FUT8: variants seen among roughly 807,000 people sequenced by gnomAD.
The protein encoded by FUT8 is fucosyltransferase 8.
A neutral mutation model predicts 71.3 loss-of-function variants in FUT8; 29 were observed. The observed-to-expected ratio is 0.41, with a 90% CI of 0.30 to 0.55. The LOEUF (loss-of-function observed/expected upper bound fraction) is 0.55, where lower values mean the gene tolerates loss of function less well. FUT8 is among the 20% of genes least tolerant of loss of function. The pLI, the probability that FUT8 is intolerant of heterozygous loss-of-function variation, is 0.34. For missense variants in FUT8, 544 were observed against 702.1 expected (o/e 0.77, Z 2.55); for synonymous variants, 254 against 239.3 (o/e 1.06, Z -0.57).
intron 7 of FUT8, among the ~76,000 whole-genome samples, chr14:65,677,912 A>C (rs17102845): frequency 0.06 from 9,114 of 152,234 alleles, 320 homozygotes; most frequent in Admixed American, 0.11. Flanking sequence ...GCAATCAGAG[A>C]CTTCACTAGA....
intron 6 of FUT8, among the ~76,000 whole-genome samples, chr14:65,665,513 T>C (rs1009181583): frequency 6.6e-6 from 1 of 152,144 alleles, no homozygotes; most frequent in Non-Finnish European, 1.5e-5. Context: ...GTTCAGCCAT[T>C]GTAGAAAGCA....
intron 1 of FUT8, among the ~76,000 whole-genome samples, chr14:65,446,910 C>A (rs142439263): frequency 2.9e-4 from 44 of 152,082 alleles, no homozygotes; most frequent in African/African-American, 9.9e-4. Context: ...CTCAAGCAAT[C>A]CTCCAGCCTC....
chr14:65,541,078 A>G (rs1884653456), intron 2 of FUT8, among the ~76,000 whole-genome samples: 1 of 152,206 alleles, frequency 6.6e-6, no homozygotes, highest in Non-Finnish European at 1.5e-5. Context: ...CTGGTAAATC[A>G]TATTTTATTA....
intron 1 of FUT8, among the ~76,000 whole-genome samples, chr14:65,416,516 T>A (rs1020900153): frequency 6.6e-6 from 1 of 152,170 alleles, no homozygotes; most frequent in African/African-American, 2.4e-5. Flanking sequence ...AAAGGAGATA[T>A]CAACTTCTGG....
At chr14:65,501,350 A>G (rs898230738) in intron 2 of FUT8, among the ~76,000 whole-genome samples, 1 of 152,200 alleles carries the variant, frequency 6.6e-6, no homozygotes, top group Non-Finnish European at 1.5e-5. Flanking sequence ...GGAATTAGCC[A>G]CTATTCATAT....
the FUT8 span, among the ~76,000 whole-genome samples, chr14:65,391,162 A>G: frequency 9.2e-5 from 14 of 152,270 alleles, no homozygotes; most frequent in African/African-American, 3.1e-4. Flanking sequence ...TATTTAATTA[A>G]TCTTTATAAT....
intron 3 of FUT8, among the ~76,000 whole-genome samples, chr14:65,592,579 T>A (rs952055651): frequency 6.6e-6 from 1 of 152,186 alleles, no homozygotes; most frequent in Non-Finnish European, 1.5e-5. Flanking sequence ...TTTAAGGGAT[T>A]TTATTCTTTT....
chr14:65,631,794 C>T (rs569025813), intron 6 of FUT8, among the ~76,000 whole-genome samples: 3 of 152,090 alleles, frequency 2.0e-5, no homozygotes, highest in Admixed American at 6.5e-5. Context: ...TCTGTGTGCC[C>T]ATCACCTGAG....
chr14:65,608,251 A>T (rs1888690586), intron 3 of FUT8, among the ~76,000 whole-genome samples: 1 of 151,758 alleles, frequency 6.6e-6, no homozygotes, highest in East Asian at 1.9e-4. Context: ...AAAATTCCTT[A>T]TCTGTTTGTG....
intron 2 of FUT8, among the ~76,000 whole-genome samples, chr14:65,476,616 G>A (rs987204941): frequency 8.4e-5 from 12 of 143,438 alleles, no homozygotes; most frequent in African/African-American, 3.1e-4. Context: ...CTTTGTTCAA[G>A]TGGTAGAGTT....
chr14:65,394,961 C>G, the FUT8 span, among the ~76,000 whole-genome samples: 3 of 152,130 alleles, frequency 2.0e-5, no homozygotes, highest in Non-Finnish European at 4.4e-5. Context: ...CCAGGCTGGC[C>G]TTGAATGCCT....
chr14:65,515,636 C>T (rs192614178), intron 2 of FUT8, among the ~76,000 whole-genome samples: 3 of 151,982 alleles, frequency 2.0e-5, no homozygotes, highest in Non-Finnish European at 2.9e-5. Flanking sequence ...ACAAACAAAT[C>T]ATGTTAAATG....
At chr14:65,383,124 A>G in the FUT8 span, among the ~76,000 whole-genome samples, 1 of 151,934 alleles carries the variant, frequency 6.6e-6, no homozygotes, top group East Asian at 1.9e-4. Context: ...TATTGCAATC[A>G]CTTCTTACCT....
At chr14:65,359,538 C>T in the FUT8 span, among the ~76,000 whole-genome samples, 2 of 152,224 alleles carry the variant, frequency 1.3e-5, no homozygotes, top group South Asian at 4.1e-4. Flanking sequence ...CGCTATTCTA[C>T]TTTTTATCTT....
At chr14:65,629,419 C>T in intron 5 of FUT8, 73 bp from the exon 6 acceptor site, 1 of 872,508 alleles carries the variant, frequency 1.1e-6, no homozygotes, top group Non-Finnish European at 1.9e-6. Context: ...ATCTGGCATT[C>T]TTCTTAAGAC....
chr14:65,489,893 A>C lies in FUT8; in HGVS notation c.-228+34175A>C, dbSNP rs1425131392. ...CAGTGTACTTTCTTTTCAAAAAAAC[A>C]TTAAAAACTCCAAAACCCAAGGAAG... On this transcript the variant is annotated intron_variant, in intron 2 of 10. Coordinates refer to ENST00000673929, the MANE Select transcript of FUT8 (RefSeq NM_001371533.1). This position sits in a 1 kb window ranked among gnomAD's most constrained non-coding sequence, Gnocchi z 4.0. 6.6e-6 allele frequency among the ~76,000 whole-genome samples: 1 copy of C among 152,140 alleles called. No homozygotes were observed. The highest frequency in any genetic ancestry group is 1.5e-5 in the Non-Finnish European group (1 of 67,988).
chr14:65,358,136 T>C, the FUT8 span, among the ~76,000 whole-genome samples: 4 of 152,216 alleles, frequency 2.6e-5, no homozygotes, highest in Non-Finnish European at 5.9e-5. Flanking sequence ...GTAGGGTGAC[T>C]GTAACTAGTA....
intron 2 of FUT8, among the ~76,000 whole-genome samples, chr14:65,522,084 T>C (rs1246602361): frequency 6.6e-6 from 1 of 152,196 alleles, no homozygotes; most frequent in Non-Finnish European, 1.5e-5. Flanking sequence ...GTGATCCTTT[T>C]GTTTCAGTTG....
At chr14:65,498,818 GA>G (rs753152811) in intron 2 of FUT8, among the ~76,000 whole-genome samples, 54 of 152,184 alleles carry the variant, frequency 3.5e-4, no homozygotes, top group Non-Finnish European at 7.3e-4. Flanking sequence ...GTAGCAGATG[GA>G]AACAGTAGAC....
Sources: allele counts gnomAD v4.1 joint callset (sites outside exome capture counted in the v4.1 genomes callset), GRCh38; gene constraint gnomAD v4.1.1; non-coding constraint Gnocchi (gnomAD v3.1); transcripts MANE v1.5; gene names NCBI Gene and HGNC (gene_info 2026-07-23, HGNC 2026-07-21).